The following ANGPT1 variants were observed in gnomAD, a reference collection of about 807,000 sequenced individuals.
The protein encoded by ANGPT1 is angiopoietin 1, also known as angiopoietin-1.
ANGPT1 carries 17 observed loss-of-function variants against 62.2 expected under a neutral mutation model. The ratio of observed to expected loss-of-function variants is 0.27; its 90% confidence interval spans 0.19 to 0.41. The LOEUF (loss-of-function observed/expected upper bound fraction) is 0.41, where lower values mean the gene tolerates loss of function less well. Among genes scored for constraint, ANGPT1 ranks in the 10% least tolerant of loss-of-function variants. The pLI, the probability that ANGPT1 is intolerant of heterozygous loss-of-function variation, is 1.00. For synonymous variants in ANGPT1, 199 were observed against 198.9 expected, an observed-to-expected ratio of 1.00 and a Z score of 0.00; for missense variants, 478 against 594.9, an observed-to-expected ratio of 0.80 and a Z score of 2.04.
intron 4 of ANGPT1, among the ~76,000 whole-genome samples, chr8:107,313,527 C>T (rs1336530934): frequency 6.7e-6 from 1 of 148,828 alleles, no homozygotes; most frequent in Non-Finnish European, 1.5e-5. Context: ...GCAAGCTCCA[C>T]CTCCCAGGTT....
Position 107,272,096 on chromosome 8 carries a change from A to C in ANGPT1, c.1206-7745T>G, listed in dbSNP as rs558274667. 3.3e-5 allele frequency among the ~76,000 whole-genome samples: 5 copies of C among 152,120 alleles called. No individual in the cohort carries two copies. In the South Asian group the frequency reaches 1.0e-3, roughly 32 times the overall value. ...ATAATAATTTTACCATTATGTTAAGAAGGAAGACATTATCTTATTTGTTTC... is the reference window on the plus strand; with the variant it reads ...ATAATAATTTTACCATTATGTTAAGCAGGAAGACATTATCTTATTTGTTTC... On this transcript the variant is annotated intron_variant, in intron 7 of 8. Transcript: ENST00000517746.
At chr8:107,333,931 AAAG>A (rs1489192858) in intron 3 of ANGPT1, among the ~76,000 whole-genome samples, 1 of 148,960 alleles carries the variant, frequency 6.7e-6, no homozygotes, top group African/African-American at 2.5e-5. Flanking sequence ...AGAAAGAAAG[AAAG>A]AAAGAAAGAA....
intron 1 of ANGPT1, among the ~76,000 whole-genome samples, chr8:107,480,907 TCCAGTCAAAGAAAGAGTGGA>T (rs1812658848): frequency 6.6e-6 from 1 of 152,146 alleles, no homozygotes; most frequent in Non-Finnish European, 1.5e-5. Flanking sequence ...GTGGAAGTGG[TCCAGTCAAAGAAAGAGTGGA>T]CCAGTCAAAA....
At chr8:107,273,688 A>G (rs1303939678) in intron 7 of ANGPT1, among the ~76,000 whole-genome samples, 1 of 151,892 alleles carries the variant, frequency 6.6e-6, no homozygotes, top group Non-Finnish European at 1.5e-5. Flanking sequence ...CATTTCACAC[A>G]TCTCTAAGGA....
chr8:107,443,769 A>C (rs1015327512), intron 1 of ANGPT1, among the ~76,000 whole-genome samples: 1 of 151,298 alleles, frequency 6.6e-6, no homozygotes, highest in Non-Finnish European at 1.5e-5. Context: ...TGGTGAGCTG[A>C]GATCATGCCA....
chr8:107,495,179 C>G (rs1586370195), intron 1 of ANGPT1, among the ~76,000 whole-genome samples: 1 of 152,144 alleles, frequency 6.6e-6, no homozygotes, highest in South Asian at 2.1e-4. Context: ...GATCCTCCAA[C>G]CAATCACATT....
chr8:107,281,005 C>CT (rs1813991339), intron 7 of ANGPT1, among the ~76,000 whole-genome samples: 1 of 152,138 alleles, frequency 6.6e-6, no homozygotes, highest in African/African-American at 2.4e-5. Flanking sequence ...ATATGCTATG[C>CT]TTATCATGAC....
In ANGPT1 at chr8:107,336,447, C is replaced by T. The variant is rs1815563592; in HGVS notation, c.454-176G>A. ...TTGGGAGGCCAAGGCGGGTGGATCA[C>T]GAGGTCAAGAGATCGAGACCATCCT... On this transcript the variant is annotated intron_variant, in intron 2 of 8. Transcript: ENST00000517746. 8 of 957,976 alleles carry T rather than the reference C, an allele frequency of 8.4e-6. No homozygotes were observed. In the South Asian group the frequency reaches 1.3e-4, roughly 15 times the overall value. The allele number at this position is 957,976 out of a possible 1,614,324, so 59.3% of individuals were successfully genotyped here.
At chr8:107,386,054 A>G (rs2130288640) in intron 1 of ANGPT1, among the ~76,000 whole-genome samples, 1 of 152,208 alleles carries the variant, frequency 6.6e-6, no homozygotes, top group African/African-American at 2.4e-5. Context: ...ATAGAATACT[A>G]CACAGATATT....
At chr8:107,312,104 T>C (rs1814885059) in intron 4 of ANGPT1, among the ~76,000 whole-genome samples, 1 of 151,418 alleles carries the variant, frequency 6.6e-6, no homozygotes, top group Non-Finnish European at 1.5e-5. Context: ...AATACTTGAC[T>C]AAAAGGTACA....
chr8:107,430,261 GT>G (rs1244577084), intron 1 of ANGPT1, among the ~76,000 whole-genome samples: 2 of 152,298 alleles, frequency 1.3e-5, no homozygotes, highest in African/African-American at 4.8e-5. Context: ...TGAAAAATTA[GT>G]TTGGGACAAA....
chr8:107,428,686 C>G (rs954517027), intron 1 of ANGPT1, among the ~76,000 whole-genome samples: 2 of 151,680 alleles, frequency 1.3e-5, no homozygotes, highest in Admixed American at 6.6e-5. Flanking sequence ...TAAACAAGAA[C>G]AATCACAGAT....
chr8:107,314,609 T>C (rs1316089371), intron 4 of ANGPT1, among the ~76,000 whole-genome samples: 1 of 152,208 alleles, frequency 6.6e-6, no homozygotes, highest in East Asian at 1.9e-4. Flanking sequence ...AAGTGCTAGA[T>C]AGTGTGGTTC....
intron 1 of ANGPT1, among the ~76,000 whole-genome samples, chr8:107,383,934 T>G (rs190910383): frequency 1.2e-4 from 18 of 152,214 alleles, no homozygotes; most frequent in Non-Finnish European, 2.1e-4. Flanking sequence ...TCTAATGAAA[T>G]TTTCAGAAGG....
rs564462848 is a variant in ANGPT1, at chr8:107,487,510, C to T, written c.297+9752G>A. On this transcript the variant is annotated intron_variant, in intron 1 of 8. Transcript: ENST00000517746. ...AAGGCCTAACATTGGAGCCTTCACA[C>T]CATCAGTATATTAAGCGGCCGTGCG... 2.0e-5 allele frequency among the ~76,000 whole-genome samples: 3 copies of T among 151,846 alleles called. No homozygotes were observed. In the East Asian group the frequency reaches 5.8e-4, roughly 29 times the overall value.
At chr8:107,282,943 C>G (rs1343425536) in intron 7 of ANGPT1, among the ~76,000 whole-genome samples, 2 of 151,842 alleles carry the variant, frequency 1.3e-5, no homozygotes, top group East Asian at 3.9e-4. Context: ...TCCTCCTAAC[C>G]CTGCCCCAAC....
At chr8:107,257,876 G>GTTTTTTGTTTTTT (rs1371396961) in intron 8 of ANGPT1, among the ~76,000 whole-genome samples, 4 of 85,298 alleles carry the variant, frequency 4.7e-5, no homozygotes, top group African/African-American at 1.9e-4. Flanking sequence ...ACTTGTTTTT[G>GTTTTTTGTTTTTT]TTTCTTTTTT....
intron 1 of ANGPT1, among the ~76,000 whole-genome samples, chr8:107,463,698 T>C (rs1168164647): frequency 1.3e-5 from 2 of 152,232 alleles, no homozygotes; most frequent in Non-Finnish European, 2.9e-5. Flanking sequence ...TGTGATTATA[T>C]ATATAATCAA....
At chr8:107,320,148 T>C (rs1815116585) in intron 4 of ANGPT1, among the ~76,000 whole-genome samples, 1 of 152,182 alleles carries the variant, frequency 6.6e-6, no homozygotes, top group African/African-American at 2.4e-5. Context: ...CCATCTATCA[T>C]GGCTATCCTC....
Sources: allele counts gnomAD v4.1 joint callset (sites outside exome capture counted in the v4.1 genomes callset), GRCh38; gene constraint gnomAD v4.1.1; transcripts MANE v1.5; gene names NCBI Gene and HGNC (gene_info 2026-07-23, HGNC 2026-07-21).